The following FGFR1 variants were observed in gnomAD, a reference collection of about 807,000 sequenced individuals.
The protein encoded by FGFR1 is fibroblast growth factor receptor 1.
In FGFR1, 18 loss-of-function variants were observed where a neutral mutation model predicts 93.7. That is an observed-to-expected ratio of 0.19 (90% CI 0.13 to 0.28). The LOEUF (loss-of-function observed/expected upper bound fraction) is 0.28, where lower values mean the gene tolerates loss of function less well. Among genes scored for constraint, FGFR1 ranks in the 10% least tolerant of loss-of-function variants. The pLI is 1.00. For missense variants in FGFR1, 731 were observed against 1,080.4 expected, an observed-to-expected ratio of 0.68 and a Z score of 4.53; for synonymous variants, 448 against 429.3, an observed-to-expected ratio of 1.04 and a Z score of -0.54.
intron 2 of FGFR1, among the ~76,000 whole-genome samples, chr8:38,453,067 G>T (rs1047822159): frequency 6.6e-6 from 1 of 152,148 alleles, no homozygotes; most frequent in African/African-American, 2.4e-5. Context: ...CACTTACAAG[G>T]TTCCTTACAG....
In FGFR1 at chr8:38,418,314, C is replaced by A. The variant is rs1038636974; in HGVS notation, c.1344G>T (p.Arg448=). Residue 448 remains arginine (R), a synonymous_variant, in exon 10 of 18, where the codon CGG becomes CGT. Coordinates refer to ENST00000447712, the MANE Select transcript of FGFR1 (RefSeq NM_023110.3). ...NSGVLLVRPS[R]LSSSGTPMLA... ...GCATGGGAGTCCCACTGGAGGAGAG[C>A]CGTGATGGCCGAACCAGAAGAACCC... 4 of 1,614,166 alleles carry A rather than the reference C, an allele frequency of 2.5e-6. No homozygotes were observed. The highest frequency in any genetic ancestry group is 3.4e-6 in the Non-Finnish European group (4 of 1,180,020).
chr8:38,467,670 A>G (rs1835846598), intron 1 of FGFR1: 2 of 233,656 alleles, frequency 8.6e-6, no homozygotes, highest in Non-Finnish European at 1.7e-5. Context: ...CCCGGGACTC[A>G]CTGAGGAGCC....
chr8:38,464,494 G>C (rs2151466609), intron 1 of FGFR1, among the ~76,000 whole-genome samples: 1 of 152,208 alleles, frequency 6.6e-6, no homozygotes, highest in South Asian at 2.1e-4. Context: ...TTCTTTCATT[G>C]CAGGGGAGAG....
At chr8:38,450,410 A>G (rs968375596) in intron 2 of FGFR1, among the ~76,000 whole-genome samples, 2 of 152,148 alleles carry the variant, frequency 1.3e-5, no homozygotes, top group Non-Finnish European at 2.9e-5. Context: ...CCCCGGAGGA[A>G]CGAGGCATTG....
intron 7 of FGFR1, 106 bp from the exon 8 acceptor site, chr8:38,422,047 T>A: frequency 7.6e-7 from 1 of 1,312,570 alleles, no homozygotes. Context: ...GAGGAAGAAA[T>A]GCTCCCTGAC....
chr8:38,448,517 G>A (rs1013689554), intron 2 of FGFR1, among the ~76,000 whole-genome samples: 8 of 151,924 alleles, frequency 5.3e-5, no homozygotes, highest in African/African-American at 1.4e-4. Flanking sequence ...GTGAGCCACC[G>A]CGCCCAGCCT....
At chr8:38,446,388 T>G (rs1361361967) in intron 2 of FGFR1, among the ~76,000 whole-genome samples, 2 of 151,718 alleles carry the variant, frequency 1.3e-5, no homozygotes, top group African/African-American at 4.8e-5. Flanking sequence ...TTTTTTGTAT[T>G]TTAGTAGAAA....
chr8:38,413,914 T>G lies in FGFR1; in HGVS notation c.2292+4A>C. On this transcript the variant is annotated splice_donor_region_variant and intron_variant, in intron 17 of 17. Coordinates refer to ENST00000447712, the MANE Select transcript of FGFR1 (RefSeq NM_023110.3). This position sits in a 1 kb window ranked among gnomAD's most constrained non-coding sequence, Gnocchi z 4.2. ...AGCTCTGGCTCTGGCACGGGCAGCCTTACCTGGTTGGAGGTCAAGGCCACG... is the reference window on the plus strand; with the variant it reads ...AGCTCTGGCTCTGGCACGGGCAGCCGTACCTGGTTGGAGGTCAAGGCCACG... The G allele has an allele frequency of 6.2e-7, 1 of 1,613,844 alleles. No individual in the cohort carries two copies. Among genetic ancestry groups the G allele is most frequent in the Non-Finnish European group, 8.5e-7 (1 of 1,179,880 alleles).
In FGFR1 at chr8:38,440,402, A is replaced by C. The variant is rs369558314; in HGVS notation, c.92-10454T>G. 1.3e-4 allele frequency: 201 copies of C among 1,551,148 alleles called. No homozygotes were observed. The African/African-American group carries it at 2.5e-3, about 20-fold the overall frequency. On this transcript the variant is annotated intron_variant, in intron 2 of 17. Transcript: ENST00000447712. ...CAAGGGTTTGGGTGGAGAGAGCCCC[A>C]AAAATGTGTTTCTCTCAACTCTCGG...
intron 1 of FGFR1, among the ~76,000 whole-genome samples, chr8:38,464,168 T>C (rs1835007942): frequency 6.6e-6 from 1 of 151,798 alleles, no homozygotes; most frequent in Non-Finnish European, 1.5e-5. Flanking sequence ...CACAAAAAAT[T>C]AGCCGGACAT....
At chr8:38,460,663 T>G (rs1834179979) in intron 1 of FGFR1, among the ~76,000 whole-genome samples, 3 of 152,116 alleles carry the variant, frequency 2.0e-5, no homozygotes, top group Admixed American at 2.0e-4. Flanking sequence ...GCCCTCAAGT[T>G]TGACATCTGT....
intron 2 of FGFR1, among the ~76,000 whole-genome samples, chr8:38,433,557 G>A (rs754981162): frequency 3.3e-5 from 5 of 152,150 alleles, no homozygotes; most frequent in East Asian, 1.9e-4. Context: ...TGATCTGCCC[G>A]CCTCGGTCCT....
Position 38,428,216 on chromosome 8 carries a change from G to A in FGFR1, c.449-123C>T, listed in dbSNP as rs567765633. 2.0e-6 allele frequency: 3 copies of A among 1,485,990 alleles called. No individual in the cohort carries two copies. The East Asian group carries it at 6.8e-5, about 34-fold the overall frequency. 92.1% of individuals were successfully genotyped at this position (1,485,990 alleles called of 1,614,324 possible). Reference sequence around the variant, plus strand: ...CATCTGCCCAACACCTGTGAGCAGTGCCTGGCACTTAGCAGAACAGGCACC... The same window carrying A: ...CATCTGCCCAACACCTGTGAGCAGTACCTGGCACTTAGCAGAACAGGCACC... On this transcript the variant is annotated intron_variant, in intron 4 of 17. Transcript: ENST00000447712.
intron 2 of FGFR1, among the ~76,000 whole-genome samples, chr8:38,456,295 G>A (rs904212360): frequency 2.0e-5 from 3 of 152,134 alleles, no homozygotes; most frequent in Non-Finnish European, 4.4e-5. Context: ...AAAGTCCCGC[G>A]AAAGCCACCG....
intron 1 of FGFR1, among the ~76,000 whole-genome samples, chr8:38,458,281 C>CT (rs1225719271): frequency 6.6e-6 from 1 of 152,120 alleles, no homozygotes; most frequent in Non-Finnish European, 1.5e-5. Context: ...TGGCTCACAC[C>CT]TGCAATCCCA....
chr8:38,423,662 T>TAAAAAA (rs1209840278), intron 7 of FGFR1: 1 of 115,080 alleles, frequency 8.7e-6, no homozygotes. Context: ...AGCATTTGAT[T>TAAAAAA]AAAAAAAAAA....
At position 38,429,874 on chromosome 8, in the gene FGFR1, G is replaced by A. The variant is rs1034848904; in HGVS notation, c.166C>T (p.Arg56Trp). 9.9e-6 allele frequency: 16 copies of A among 1,613,894 alleles called. No homozygotes were observed. The highest frequency in any genetic ancestry group is 4.5e-5 in the East Asian group (2 of 44,888). ...ATGCTCTGCACATCGTCCCGCAGCC[G>A]ACAGCGAAGCTGCAGCAGGTCACCG... ...HPGDLLQLRC[R>W]LRDDVQSINW... is the part of the protein sequence containing the mutation. Residue 56 changes from arginine (R) to tryptophan (W), a missense_variant, in exon 3 of 18, where the codon CGG (arginine) becomes TGG (tryptophan). Coordinates refer to ENST00000447712, the MANE Select transcript of FGFR1 (RefSeq NM_023110.3). This position sits in a 1 kb window ranked among gnomAD's most constrained non-coding sequence, Gnocchi z 4.4.
In FGFR1 at chr8:38,424,193, A is replaced by C; in HGVS notation, c.936+316T>G. 1 of 497,994 alleles carries C rather than the reference A, an allele frequency of 2.0e-6. No homozygotes were observed. Among genetic ancestry groups the C allele is most frequent in the Non-Finnish European group, 3.8e-6 (1 of 260,838 alleles). The allele number at this position is 497,994 out of a possible 1,614,324, so 30.8% of individuals were successfully genotyped here. On this transcript the variant is annotated intron_variant, in intron 7 of 17. Transcript: ENST00000447712. The surrounding 1 kb of genome is among the most constrained non-coding windows in gnomAD (Gnocchi z 4.3). ...GGTGGAAAGGCTCTGGTTTCGGGCA[A>C]TGAAAAGGCAGGGGTCCAAATGCCT... is the stretch of plus-strand genomic sequence containing the variant.
In FGFR1 at chr8:38,424,331, C is replaced by G. The variant is rs1170732987; in HGVS notation, c.936+178G>C. The G allele has an allele frequency of 3.9e-6, 3 of 762,608 alleles. No homozygotes were observed. The highest frequency in any genetic ancestry group is 7.0e-6 in the Non-Finnish European group (3 of 427,036). 47.2% of individuals were successfully genotyped at this position (762,608 alleles called of 1,614,324 possible). ...TCCCAGCTCACCTCCACTTTGTGAC[C>G]TCTGTTACTAGTCCTGGGGGATGTG... is the stretch of plus-strand genomic sequence containing the variant. On this transcript the variant is annotated intron_variant, in intron 7 of 17. Coordinates refer to ENST00000447712, the MANE Select transcript of FGFR1 (RefSeq NM_023110.3). This position sits in a 1 kb window ranked among gnomAD's most constrained non-coding sequence, Gnocchi z 4.3.
Sources: allele counts gnomAD v4.1 joint callset (sites outside exome capture counted in the v4.1 genomes callset), GRCh38; gene constraint gnomAD v4.1.1; non-coding constraint Gnocchi (gnomAD v3.1); transcripts MANE v1.5; gene names NCBI Gene and HGNC (gene_info 2026-07-23, HGNC 2026-07-21).